The following MARCHF1 variants were observed in gnomAD, a reference collection of about 807,000 sequenced individuals.
MARCHF1 encodes membrane associated ring-CH-type finger 1.
MARCHF1 carries 40 observed loss-of-function variants against 54.2 expected under a neutral mutation model. That is an observed-to-expected ratio of 0.74 (90% CI 0.57 to 0.96). MARCHF1 has a LOEUF of 0.96. Among genes scored for constraint, MARCHF1 ranks in the 40% least tolerant of loss-of-function variants. The pLI is 0.00. For missense variants in MARCHF1, 586 were observed against 656.5 expected, an observed-to-expected ratio of 0.89 and a Z score of 1.17; for synonymous variants, 236 against 236.3, an observed-to-expected ratio of 1.00 and a Z score of 0.01.
chr4:164,109,912 T>TAAAAAAAAAGAA (rs1755795783), intron 2 of MARCHF1, among the ~76,000 whole-genome samples: 2 of 63,154 alleles, frequency 3.2e-5, no homozygotes, highest in Non-Finnish European at 2.7e-5. Context: ...AAAATAAAAG[T>TAAAAAAAAAGAA]AAAAAAAAAA....
At chr4:164,110,244 C>T (rs1437542940) in intron 2 of MARCHF1, among the ~76,000 whole-genome samples, 3 of 151,020 alleles carry the variant, frequency 2.0e-5, no homozygotes, top group East Asian at 3.9e-4. Context: ...CGATTATTTC[C>T]TTGGGGAAAA....
At chr4:163,852,355 G>A (rs915497429) in intron 4 of MARCHF1, among the ~76,000 whole-genome samples, 6 of 152,262 alleles carry the variant, frequency 3.9e-5, no homozygotes, top group African/African-American at 4.8e-5. Flanking sequence ...TTTGATCTGC[G>A]ATTCCATGAG....
intron 3 of MARCHF1, among the ~76,000 whole-genome samples, chr4:163,918,352 T>C (rs1017003153): frequency 6.6e-6 from 1 of 152,192 alleles, no homozygotes; most frequent in Admixed American, 6.6e-5. Context: ...TCTCCCCGTC[T>C]GTTGTTTGTC....
chr4:164,307,907 C>G (rs569370651), intron 1 of MARCHF1, among the ~76,000 whole-genome samples: 1 of 152,248 alleles, frequency 6.6e-6, no homozygotes, highest in South Asian at 2.1e-4. Flanking sequence ...TTTAAGTGTT[C>G]AAAACTGTGG....
intron 1 of MARCHF1, among the ~76,000 whole-genome samples, chr4:164,218,431 G>C (rs1401405849): frequency 6.6e-6 from 1 of 151,926 alleles, no homozygotes; most frequent in Admixed American, 6.6e-5. Context: ...GTGGTGACAG[G>C]GCAGTAACCA....
chr4:164,044,624 G>C (rs1754201830), intron 2 of MARCHF1, among the ~76,000 whole-genome samples: 1 of 152,094 alleles, frequency 6.6e-6, no homozygotes, highest in Non-Finnish European at 1.5e-5. Flanking sequence ...GAGGGAGCAG[G>C]TGGTGGATGA....
chr4:164,101,127 T>G (rs1017411190), intron 2 of MARCHF1, among the ~76,000 whole-genome samples: 1 of 152,196 alleles, frequency 6.6e-6, no homozygotes. Flanking sequence ...CACGGAGTCT[T>G]GCTGATTGCT....
At chr4:163,855,518 T>C (rs1749747530) in intron 3 of MARCHF1, among the ~76,000 whole-genome samples, 2 of 152,220 alleles carry the variant, frequency 1.3e-5, no homozygotes, top group Non-Finnish European at 2.9e-5. Flanking sequence ...CAGATTTTAA[T>C]TGCATTTCTT....
At chr4:164,096,024 A>G (rs1755402702) in intron 2 of MARCHF1, among the ~76,000 whole-genome samples, 2 of 152,094 alleles carry the variant, frequency 1.3e-5, no homozygotes, top group Admixed American at 1.3e-4. Context: ...TTAAAGAACT[A>G]AAAAAAGAAC....
intron 2 of MARCHF1, among the ~76,000 whole-genome samples, chr4:164,106,651 G>T (rs551251271): frequency 4.0e-5 from 6 of 149,540 alleles, no homozygotes; most frequent in Non-Finnish European, 8.9e-5. Flanking sequence ...AACATCGGGA[G>T]ATATACCTAA....
chr4:163,644,641 C>A (rs1421461253), intron 5 of MARCHF1, among the ~76,000 whole-genome samples: 1 of 152,148 alleles, frequency 6.6e-6, no homozygotes. Flanking sequence ...GGAAGCATAG[C>A]CATCCATGTT....
At chr4:163,534,179 T>A (rs1397631261) in intron 9 of MARCHF1, among the ~76,000 whole-genome samples, 2 of 152,054 alleles carry the variant, frequency 1.3e-5, no homozygotes, top group Non-Finnish European at 2.9e-5. Context: ...AAAGGTGCAA[T>A]CTGTCATGAG....
At chr4:163,600,962 C>T (rs1003726895) in intron 7 of MARCHF1, among the ~76,000 whole-genome samples, 3 of 152,110 alleles carry the variant, frequency 2.0e-5, no homozygotes, top group African/African-American at 7.2e-5. Context: ...CTCCTGGAGT[C>T]CTTGTATCTG....
In MARCHF1 at chr4:163,526,809, C is replaced by T. The variant is rs1579026961; in HGVS notation, c.*1939G>A. On this transcript the variant is annotated 3_prime_UTR_variant, in exon 10 of 10. Transcript: ENST00000514618. Reference sequence around the variant, plus strand: ...TGACTGAATACCTTAACATTTTCCCCGCATATATACATGACTACACACACG... The same window carrying T: ...TGACTGAATACCTTAACATTTTCCCTGCATATATACATGACTACACACACG... The T allele has an allele frequency of 6.6e-6, 1 of 151,706 alleles. No homozygotes were observed. The highest frequency in any genetic ancestry group is 6.6e-5 in the Admixed American group (1 of 15,206). The allele number at this position is 151,706 out of a possible 1,614,324, so 9.4% of individuals were successfully genotyped here.
Position 164,338,345 on chromosome 4 carries a change from C to CA in MARCHF1, c.-323+45524dup, listed in dbSNP as rs200287000. 6.5e-4 allele frequency among the ~76,000 whole-genome samples: 98 copies of CA among 151,854 alleles called. 1 individual carries two copies. The highest frequency in any genetic ancestry group is 2.3e-3 in the African/African-American group (95 of 41,440). ...ATTATAAAATCACAAAGGAAGGCAG[C>CA]AAAAATGGTTTAAAAGAAAACAAAG... On this transcript the variant is annotated intron_variant, in intron 1 of 9. Coordinates refer to ENST00000514618, the MANE Select transcript of MARCHF1 (RefSeq NM_001394959.1).
intron 2 of MARCHF1, among the ~76,000 whole-genome samples, chr4:164,020,622 C>T (rs144866999): frequency 1.3e-5 from 2 of 152,302 alleles, no homozygotes; most frequent in South Asian, 2.1e-4. Flanking sequence ...AATACCTGGA[C>T]GTTCTGTACA....
intron 1 of MARCHF1, among the ~76,000 whole-genome samples, chr4:164,158,132 T>TA (rs995586052): frequency 6.6e-6 from 1 of 152,158 alleles, no homozygotes; most frequent in Non-Finnish European, 1.5e-5. Context: ...TATATTTTTT[T>TA]AAAAAAACTT....
intron 2 of MARCHF1, among the ~76,000 whole-genome samples, chr4:164,108,973 A>G (rs951249977): frequency 6.6e-6 from 1 of 152,064 alleles, no homozygotes; most frequent in African/African-American, 2.4e-5. Context: ...GGCAATTCCC[A>G]TTCCAAAAGC....
At chr4:163,575,147 T>A (rs1579076543) in intron 8 of MARCHF1, among the ~76,000 whole-genome samples, 1 of 152,028 alleles carries the variant, frequency 6.6e-6, no homozygotes, top group Admixed American at 6.6e-5. Context: ...TTAAGTATGA[T>A]GTTGACTGTG....
Sources: allele counts gnomAD v4.1 joint callset (sites outside exome capture counted in the v4.1 genomes callset), GRCh38; gene constraint gnomAD v4.1.1; transcripts MANE v1.5; gene names NCBI Gene and HGNC (gene_info 2026-07-23, HGNC 2026-07-21).